The following OPCML variants were observed in gnomAD, a reference collection of about 807,000 sequenced individuals.
OPCML encodes opioid binding protein/cell adhesion molecule like, also known as opioid-binding protein/cell adhesion molecule.
Under a neutral mutation model 37.8 loss-of-function variants are expected in OPCML, and 13 were observed. The ratio of observed to expected loss-of-function variants is 0.34; its 90% CI spans 0.22 to 0.55. The LOEUF (loss-of-function observed/expected upper bound fraction) is 0.55, where lower values mean the gene tolerates loss of function less well. OPCML is among the 20% of genes least tolerant of loss of function. The probability of loss-of-function intolerance (pLI) is 0.91; values close to 1 mark genes in which losing one functional copy is unlikely to be tolerated. For synonymous variants in OPCML, 176 were observed against 168.8 expected, an observed-to-expected ratio of 1.04 and a Z score of -0.33; for missense variants, 341 against 435.6, an observed-to-expected ratio of 0.78 and a Z score of 1.93.
chr11:132,866,679 A>G (rs1185515985), intron 2 of OPCML, among the ~76,000 whole-genome samples: 1 of 152,260 alleles, frequency 6.6e-6, no homozygotes, highest in Non-Finnish European at 1.5e-5. Flanking sequence ...GAATATTTGC[A>G]TAACATTTTC....
chr11:132,873,429 C>A (rs1297842694), intron 2 of OPCML, among the ~76,000 whole-genome samples: 1 of 152,134 alleles, frequency 6.6e-6, no homozygotes, highest in Non-Finnish European at 1.5e-5. Context: ...GAGCCTCCTG[C>A]CCCTTACTGC....
At chr11:133,369,601 A>G (rs1944628390) in intron 1 of OPCML, among the ~76,000 whole-genome samples, 1 of 152,208 alleles carries the variant, frequency 6.6e-6, no homozygotes, top group Non-Finnish European at 1.5e-5. Context: ...TACAGGAGTC[A>G]TGAGCTGTGT....
intron 4 of OPCML, among the ~76,000 whole-genome samples, chr11:132,502,603 G>A (rs1266672668): frequency 6.6e-6 from 1 of 152,180 alleles, no homozygotes; most frequent in Non-Finnish European, 1.5e-5. Context: ...AAAATGAAAA[G>A]GGGAGAAAAG....
chr11:133,064,826 G>T (rs1452028293), intron 1 of OPCML: 1 of 152,214 alleles, frequency 6.6e-6, no homozygotes, highest in Non-Finnish European at 1.5e-5. Context: ...CTGGAAGCCT[G>T]GCATGTGCTA....
intron 1 of OPCML, among the ~76,000 whole-genome samples, chr11:133,188,274 G>A (rs535941433): frequency 2.0e-5 from 3 of 152,314 alleles, no homozygotes; most frequent in African/African-American, 7.2e-5. Flanking sequence ...CTACCTCCAG[G>A]AGGGGGACTG....
chr11:133,046,245 A>T (rs66725248), intron 1 of OPCML, among the ~76,000 whole-genome samples: 20,100 of 152,108 alleles, frequency 0.13, 1,583 homozygotes, highest in East Asian at 0.23. Context: ...TGCCTTTGAA[A>T]ATTTTCCCGC....
At chr11:133,024,545 A>C (rs1947513418) in intron 1 of OPCML, 1 of 985,214 alleles carries the variant, frequency 1.0e-6, no homozygotes, top group African/African-American at 1.7e-5. Flanking sequence ...TACCCTTTGC[A>C]CGTAATTCAT....
At chr11:132,977,942 T>C (rs1303299353) in intron 1 of OPCML, among the ~76,000 whole-genome samples, 1 of 152,088 alleles carries the variant, frequency 6.6e-6, no homozygotes, top group Admixed American at 6.6e-5. Flanking sequence ...GGATACAGAA[T>C]GAAGAGCAGA....
intron 1 of OPCML, chr11:133,067,227 C>G (rs1948455086): frequency 6.6e-6 from 1 of 152,156 alleles, no homozygotes; most frequent in South Asian, 2.1e-4. Flanking sequence ...GATGAAGAAA[C>G]TGAGGCTCTA....
At chr11:133,115,151 TC>T (rs1255932982) in intron 1 of OPCML, among the ~76,000 whole-genome samples, 1 of 152,218 alleles carries the variant, frequency 6.6e-6, no homozygotes, top group Non-Finnish European at 1.5e-5. Context: ...AACTCTTTGA[TC>T]TACATTCTAG....
intron 2 of OPCML, among the ~76,000 whole-genome samples, chr11:132,720,616 G>A (rs1231919989): frequency 6.6e-6 from 1 of 152,104 alleles, no homozygotes. Flanking sequence ...TCTCTAATTG[G>A]CTCGCTATTT....
intron 2 of OPCML, among the ~76,000 whole-genome samples, chr11:132,716,542 A>G (rs1245655777): frequency 6.6e-6 from 1 of 152,222 alleles, no homozygotes; most frequent in Non-Finnish European, 1.5e-5. Context: ...GTGAAGGATT[A>G]TATGTGAATA....
chr11:132,795,848 T>C (rs925906476), intron 2 of OPCML, among the ~76,000 whole-genome samples: 1 of 152,244 alleles, frequency 6.6e-6, no homozygotes, highest in Non-Finnish European at 1.5e-5. Context: ...CAGGTCTGCC[T>C]AAGTTGTAAG....
chr11:133,140,793 A>AGAAGAAGAAGACGAC (rs1565467965), intron 1 of OPCML, among the ~76,000 whole-genome samples: 4 of 95,980 alleles, frequency 4.2e-5, no homozygotes, highest in Non-Finnish European at 4.6e-5. Flanking sequence ...ACGACGAAGA[A>AGAAGAAGAAGACGAC]GAAGAAGAAG....
rs143937020 is a variant in OPCML, at chr11:133,033,407, G to A, written c.62-90397C>T. On this transcript the variant is annotated intron_variant, in intron 1 of 7. Transcript: ENST00000524381. ...TCATTTAGGACTATGCATTCATGAC[G>A]TCTTCAATACCACCTAGCTCCTTTG... Among the ~76,000 whole-genome samples, 583 of 152,260 alleles carry A rather than the reference G, an allele frequency of 3.8e-3. 1 individual carries two copies. Among genetic ancestry groups the A allele is most frequent in the African/African-American group, 0.014 (567 of 41,550 alleles).
chr11:133,346,781 T>C lies in OPCML; in HGVS notation c.61+185483A>G, dbSNP rs76782513. Among the ~76,000 whole-genome samples the C allele has an allele frequency of 1.7e-3, 265 of 152,334 alleles. 1 individual carries two copies. Among genetic ancestry groups the C allele is most frequent in the African/African-American group, 6.0e-3 (251 of 41,576 alleles). On this transcript the variant is annotated intron_variant, in intron 1 of 7. Transcript: ENST00000524381. ...TTAATTTAACCTCTCTGAAAATTCA[T>C]CTATATAATCAAACTTCTGGACTAG...
rs147892926 is a variant in OPCML, at chr11:133,242,071, C to T, written c.61+290193G>A. On this transcript the variant is annotated intron_variant, in intron 1 of 7. Transcript: ENST00000524381. ...CATAAATGTTTATGACATATGGCAG[C>T]TAAATTGTAAGAAGTTTGAATCCTC... Among the ~76,000 whole-genome samples the T allele has an allele frequency of 7.5e-3, 1,139 of 152,234 alleles. 42 individuals are homozygous for T. The highest frequency in any genetic ancestry group is 0.057 in the Admixed American group (871 of 15,284).
chr11:133,344,954 C>T (rs1020239325), intron 1 of OPCML, among the ~76,000 whole-genome samples: 1 of 152,286 alleles, frequency 6.6e-6, no homozygotes, highest in Admixed American at 6.5e-5. Flanking sequence ...ACGTCACATG[C>T]GGAGATTCCC....
chr11:132,809,406 G>A (rs1156874138), intron 2 of OPCML, among the ~76,000 whole-genome samples: 1 of 152,170 alleles, frequency 6.6e-6, no homozygotes. Flanking sequence ...GCAGCTCCGA[G>A]CTACAGTTAC....
Sources: gnomAD v4.1 joint callset for allele counts (sites outside exome capture counted in the v4.1 genomes callset) on GRCh38, gnomAD v4.1.1 for gene constraint, MANE v1.5 for transcripts, NCBI Gene and HGNC (gene_info 2026-07-23, HGNC 2026-07-21) for gene names.